The following ZBBX variants were observed in gnomAD, a reference collection of about 807,000 sequenced individuals.
The protein encoded by ZBBX is zinc finger B-box domain containing.
In ZBBX, 101 loss-of-function variants were observed where a neutral mutation model predicts 108.5. The ratio of observed to expected loss-of-function variants is 0.93; its 90% confidence interval spans 0.79 to 1.10. The LOEUF (loss-of-function observed/expected upper bound fraction) is 1.10, where lower values mean the gene tolerates loss of function less well. Ranked by LOEUF, ZBBX falls within the 50% of genes least tolerant of loss-of-function variation. The pLI is 0.00. For synonymous variants in ZBBX, 356 were observed against 323.4 expected, an observed-to-expected ratio of 1.10 and a Z score of -1.08; for missense variants, 1,009 against 941.4, an observed-to-expected ratio of 1.07 and a Z score of -0.94.
intron 4 of ZBBX, among the ~76,000 whole-genome samples, chr3:167,371,785 T>C (rs1282037771): frequency 6.6e-6 from 1 of 152,214 alleles, no homozygotes; most frequent in Non-Finnish European, 1.5e-5. Context: ...CATATATTTT[T>C]ATAACATTTC....
At chr3:167,401,708 A>T (rs915740353) in intron 1 of ZBBX, among the ~76,000 whole-genome samples, 2 of 152,036 alleles carry the variant, frequency 1.3e-5, no homozygotes, top group African/African-American at 4.8e-5. Flanking sequence ...CTTTGAAGTA[A>T]ACTGTTTTAT....
At chr3:167,399,548 G>A (rs1421226843) in intron 1 of ZBBX, 2 of 152,086 alleles carry the variant, frequency 1.3e-5, no homozygotes, top group East Asian at 3.9e-4. Flanking sequence ...GACTGAGATG[G>A]GCGCTGGAGT....
intron 2 of ZBBX, among the ~76,000 whole-genome samples, chr3:167,377,317 C>T (rs1368143622): frequency 6.6e-6 from 1 of 152,158 alleles, no homozygotes; most frequent in Non-Finnish European, 1.5e-5. Context: ...TGCAAGAGAA[C>T]ACCATTGGCA....
intron 20 of ZBBX, among the ~76,000 whole-genome samples, chr3:167,263,835 T>C (rs1020926704): frequency 6.6e-6 from 1 of 152,242 alleles, no homozygotes; most frequent in African/African-American, 2.4e-5. Flanking sequence ...CCAGCTATTA[T>C]TGTATTGAGG....
chr3:167,233,360 C>CTG, the ZBBX span, among the ~76,000 whole-genome samples: 1 of 151,690 alleles, frequency 6.6e-6, no homozygotes, highest in Admixed American at 6.6e-5. Context: ...ACTTAAATAT[C>CTG]TGTCAGAGTA....
chr3:167,403,704 G>A (rs951597486), intron 1 of ZBBX, among the ~76,000 whole-genome samples: 13 of 151,960 alleles, frequency 8.6e-5, no homozygotes, highest in African/African-American at 3.1e-4. Context: ...TATGTGAGGT[G>A]GAGTATATTA....
chr3:167,328,931 C>G (rs534648168), intron 10 of ZBBX, among the ~76,000 whole-genome samples: 2 of 152,196 alleles, frequency 1.3e-5, no homozygotes, highest in Non-Finnish European at 1.5e-5. Context: ...TGACTTTATT[C>G]TATATGTTTA....
At chr3:167,248,456 T>A (rs1371642728) in intron 20 of ZBBX, among the ~76,000 whole-genome samples, 2 of 152,060 alleles carry the variant, frequency 1.3e-5, no homozygotes, top group Non-Finnish European at 2.9e-5. Flanking sequence ...TTCTTTTTTT[T>A]TTTCCTCTTC....
the ZBBX span, among the ~76,000 whole-genome samples, chr3:167,197,202 T>G: frequency 2.0e-5 from 3 of 152,132 alleles, no homozygotes; most frequent in African/African-American, 7.2e-5. Flanking sequence ...AGAATAGAAT[T>G]ATACAAAAAT....
the ZBBX span, among the ~76,000 whole-genome samples, chr3:167,190,500 T>C: frequency 3.1e-4 from 47 of 151,648 alleles, no homozygotes; most frequent in Admixed American, 2.9e-3. Flanking sequence ...CCCGCCTCAT[T>C]CTCCCGACTA....
intron 10 of ZBBX, among the ~76,000 whole-genome samples, chr3:167,330,945 T>TCTCTCTCTCTCTCTCTCTCTCTCTCTCTC (rs1738465561): frequency 3.4e-5 from 3 of 87,170 alleles, no homozygotes; most frequent in South Asian, 5.1e-4. Flanking sequence ...CTCTCTTTCT[T>TCTCTCTCTCTCTCTCTCTCTCTCTCTCTC]TCTCTCTCTC....
chr3:167,301,019 A>C (rs1056506924), intron 17 of ZBBX, among the ~76,000 whole-genome samples: 3 of 150,990 alleles, frequency 2.0e-5, no homozygotes, highest in Admixed American at 2.0e-4. Context: ...TTATTTCATC[A>C]CCTAGGCATT....
At chr3:167,399,923 T>C (rs145965564) in intron 1 of ZBBX, among the ~76,000 whole-genome samples, 1 of 152,276 alleles carries the variant, frequency 6.6e-6, no homozygotes, top group Non-Finnish European at 1.5e-5. Context: ...GTGTACTCAG[T>C]GTTGAGTTCT....
At chr3:167,197,763 T>C in the ZBBX span, among the ~76,000 whole-genome samples, 8 of 152,300 alleles carry the variant, frequency 5.3e-5, no homozygotes, top group South Asian at 8.3e-4. Context: ...TTAAAGATAA[T>C]AGTCATCAAA....
intron 8 of ZBBX, among the ~76,000 whole-genome samples, chr3:167,354,074 T>C (rs997269854): frequency 1.3e-5 from 2 of 152,122 alleles, no homozygotes; most frequent in Middle Eastern, 3.4e-3. Flanking sequence ...TAACCTTAAA[T>C]GTGCTCAAAA....
At chr3:167,194,142 G>T in the ZBBX span, among the ~76,000 whole-genome samples, 27,687 of 150,544 alleles carry the variant, frequency 0.18, 2,945 homozygotes, top group Non-Finnish European at 0.25. Context: ...ACAAAGAAAT[G>T]GTGAATGTTT....
intron 1 of ZBBX, among the ~76,000 whole-genome samples, chr3:167,397,924 T>A (rs1171435619): frequency 6.6e-6 from 1 of 151,248 alleles, no homozygotes; most frequent in Non-Finnish European, 1.5e-5. Context: ...AATTGCAAAT[T>A]AAGGAGACAA....
chr3:167,251,055 C>G (rs1379002858), intron 20 of ZBBX, among the ~76,000 whole-genome samples: 1 of 152,172 alleles, frequency 6.6e-6, no homozygotes, highest in Non-Finnish European at 1.5e-5. Flanking sequence ...CAGAAACCAG[C>G]ACACCAGCAG....
intron 17 of ZBBX, among the ~76,000 whole-genome samples, chr3:167,300,798 A>T (rs1308241826): frequency 6.6e-6 from 1 of 151,508 alleles, no homozygotes; most frequent in Non-Finnish European, 1.5e-5. Context: ...TTGTATTTTT[A>T]ATAGAGACAG....
Sources: allele counts gnomAD v4.1 joint callset (sites outside exome capture counted in the v4.1 genomes callset), GRCh38; gene constraint gnomAD v4.1.1; transcripts MANE v1.5; gene names NCBI Gene and HGNC (gene_info 2026-07-23, HGNC 2026-07-21).